The following SOX5 variants were observed in gnomAD, a reference collection of about 807,000 sequenced individuals.
The protein encoded by SOX5 is SRY-box transcription factor 5.
Under a neutral mutation model 92.0 loss-of-function variants are expected in SOX5, and 9 were observed. That is an observed-to-expected ratio of 0.10 (90% CI 0.06 to 0.17). The LOEUF is 0.17. Among genes scored for constraint, SOX5 ranks in the 10% least tolerant of loss-of-function variants. The pLI is 1.00. For missense variants in SOX5, 642 were observed against 944.5 expected (o/e 0.68, Z 4.20); for synonymous variants, 344 against 336.3 (o/e 1.02, Z -0.25).
At chr12:23,543,984 G>C (rs758178077) in intron 12 of SOX5, among the ~76,000 whole-genome samples, 16 of 152,188 alleles carry the variant, frequency 1.1e-4, no homozygotes, top group Non-Finnish European at 2.2e-4. Context: ...TGCTGATACA[G>C]CAATGACAGG....
intron 4 of SOX5, among the ~76,000 whole-genome samples, chr12:24,093,745 C>T (rs1405651396): frequency 6.7e-6 from 1 of 149,982 alleles, no homozygotes. Context: ...TTGTACAAGT[C>T]CCGGGAGCTG....
At chr12:24,347,343 C>T (rs1189198895) in intron 2 of SOX5, among the ~76,000 whole-genome samples, 1 of 152,122 alleles carries the variant, frequency 6.6e-6, no homozygotes, top group Non-Finnish European at 1.5e-5. Flanking sequence ...TTGGTATCTG[C>T]TGGGGTGCTG....
At chr12:23,662,339 A>T (rs2083180922) in intron 7 of SOX5, among the ~76,000 whole-genome samples, 1 of 152,168 alleles carries the variant, frequency 6.6e-6, no homozygotes, top group Admixed American at 6.6e-5. Flanking sequence ...AATGCCAAAC[A>T]GAATCTGGGA....
upstream of SOX5, chr12:23,950,927 T>G: frequency 6.6e-7 from 1 of 1,513,784 alleles, no homozygotes; most frequent in Non-Finnish European, 8.9e-7. Flanking sequence ...GGTCAGGGAG[T>G]AAGCACACAC....
chr12:24,429,323 AAAAC>A (rs1937781903), intron 1 of SOX5, among the ~76,000 whole-genome samples: 1 of 119,316 alleles, frequency 8.4e-6, no homozygotes, highest in Non-Finnish European at 2.1e-5. Flanking sequence ...TCTCAAAAAC[AAAAC>A]AAAACAAAAA....
chr12:24,377,249 A>G (rs569904), intron 1 of SOX5, among the ~76,000 whole-genome samples: 74,058 of 151,992 alleles, frequency 0.49, 18,181 homozygotes, highest in Non-Finnish European at 0.52. Flanking sequence ...TACTTTTATT[A>G]TATTCATTTT....
intron 1 of SOX5, among the ~76,000 whole-genome samples, chr12:24,539,501 A>T (rs1258530088): frequency 6.6e-6 from 1 of 152,164 alleles, no homozygotes; most frequent in Admixed American, 6.5e-5. Flanking sequence ...ATCAACTTTC[A>T]AAAAGCTACC....
At chr12:23,584,370 AGAGATTTATG>A (rs1193971753) in intron 9 of SOX5, among the ~76,000 whole-genome samples, 15 of 152,152 alleles carry the variant, frequency 9.9e-5, no homozygotes, top group African/African-American at 3.6e-4. Flanking sequence ...TGGCTCTCTG[AGAGATTTATG>A]TTTTCTCAGA....
intron 1 of SOX5, among the ~76,000 whole-genome samples, chr12:24,475,339 T>C (rs1368388767): frequency 1.3e-5 from 2 of 152,304 alleles, no homozygotes; most frequent in Non-Finnish European, 2.9e-5. Flanking sequence ...CAAAACATGG[T>C]TCAAGTCTCT....
chr12:23,849,434 G>C (rs928253288), intron 2 of SOX5, among the ~76,000 whole-genome samples: 2 of 152,130 alleles, frequency 1.3e-5, no homozygotes, highest in African/African-American at 4.8e-5. Context: ...TTTCATAGCT[G>C]GATAAACTGA....
chr12:24,217,411 A>G (rs1013578925), intron 3 of SOX5, among the ~76,000 whole-genome samples: 1 of 152,256 alleles, frequency 6.6e-6, no homozygotes, highest in Non-Finnish European at 1.5e-5. Flanking sequence ...ACAATCTTCA[A>G]TAAATTATTC....
chr12:24,371,349 A>G (rs1289380738), intron 1 of SOX5, among the ~76,000 whole-genome samples: 1 of 152,174 alleles, frequency 6.6e-6, no homozygotes, highest in Non-Finnish European at 1.5e-5. Flanking sequence ...TTTCCCCCCC[A>G]GGGCTACAGA....
At chr12:24,519,884 ATC>A (rs1950116336) in intron 1 of SOX5, among the ~76,000 whole-genome samples, 1 of 152,184 alleles carries the variant, frequency 6.6e-6, no homozygotes. Flanking sequence ...GCACATTACA[ATC>A]AAATTGTCAT....
chr12:23,939,267 C>A (rs1943175050), intron 1 of SOX5, among the ~76,000 whole-genome samples: 1 of 151,050 alleles, frequency 6.6e-6, no homozygotes, highest in Non-Finnish European at 1.5e-5. Flanking sequence ...AGTTGCCCAA[C>A]TGGATGATTT....
At chr12:24,082,537 T>A (rs1943489658) in intron 4 of SOX5, among the ~76,000 whole-genome samples, 1 of 150,196 alleles carries the variant, frequency 6.7e-6, no homozygotes. Context: ...TAATTAAGAA[T>A]GGGATTTGTA....
chr12:23,709,526 T>C (rs2091822472), intron 6 of SOX5, among the ~76,000 whole-genome samples: 1 of 152,180 alleles, frequency 6.6e-6, no homozygotes, highest in East Asian at 1.9e-4. Flanking sequence ...AATTCAGATG[T>C]ATTAACAAGT....
At chr12:24,232,683 G>A (rs1963643721) in intron 3 of SOX5, among the ~76,000 whole-genome samples, 1 of 152,068 alleles carries the variant, frequency 6.6e-6, no homozygotes, top group Non-Finnish European at 1.5e-5. Flanking sequence ...TCTTGGCAAA[G>A]GAAAAATGTA....
At chr12:24,454,100 ATTCG>A (rs1325637147) in intron 1 of SOX5, among the ~76,000 whole-genome samples, 4 of 152,042 alleles carry the variant, frequency 2.6e-5, no homozygotes, top group Non-Finnish European at 5.9e-5. Context: ...TTGTTTCTTC[ATTCG>A]TTCTCTTGTT....
intron 6 of SOX5, among the ~76,000 whole-genome samples, chr12:23,715,142 G>A (rs144093552): frequency 0.041 from 6,200 of 151,778 alleles, 417 homozygotes; most frequent in African/African-American, 0.14. Flanking sequence ...TACTAAAAAT[G>A]CAAAAAATTA....
Sources: gnomAD v4.1 joint callset for allele counts (sites outside exome capture counted in the v4.1 genomes callset) on GRCh38, gnomAD v4.1.1 for gene constraint, MANE v1.5 for transcripts, NCBI Gene and HGNC (gene_info 2026-07-23, HGNC 2026-07-21) for gene names.